The following AIRE variants were observed in gnomAD, a reference collection of about 807,000 sequenced individuals.
AIRE encodes the protein autoimmune regulator.
Under a neutral mutation model 62.1 loss-of-function variants are expected in AIRE, and 52 were observed. The observed-to-expected ratio is 0.84, with a 90% CI of 0.67 to 1.06. The LOEUF is 1.06. Among genes scored for constraint, AIRE ranks in the 50% least tolerant of loss-of-function variants. AIRE has a pLI of 0.00. For synonymous variants in AIRE, 342 were observed against 321.6 expected (o/e 1.06, Z -0.68); for missense variants, 774 against 755.8 (o/e 1.02, Z -0.28).
chr21:44,291,194 C>T lies in AIRE; in HGVS notation c.979C>T (p.Leu327Phe). Residue 327 changes from leucine (L) to phenylalanine (F), a missense_variant, in exon 8 of 14, where the codon CTC becomes TTC. Coordinates refer to ENST00000291582, the MANE Select transcript of AIRE (RefSeq NM_000383.4). ...CCACCTGGCCTGCCTGTCCCCTCCGCTCCGGGAGATCCCCAGGTGAGCCTG... is the reference window on the plus strand; with the variant it reads ...CCACCTGGCCTGCCTGTCCCCTCCGTTCCGGGAGATCCCCAGGTGAGCCTG... Reference protein sequence around the residue: ...AFHLACLSPPLREIPSGTWRC... With the variant: ...AFHLACLSPPFREIPSGTWRC... 1 of 1,603,426 alleles carries T rather than the reference C, an allele frequency of 6.2e-7. No individual in the cohort carries two copies.
intron 12 of AIRE, 31 bp downstream of exon 12, chr21:44,294,534 C>A: frequency 7.9e-7 from 1 of 1,268,700 alleles, no homozygotes; most frequent in Non-Finnish European, 1.1e-6. Context: ...CCATGCATGC[C>A]GGTGCTGGGG....
rs1256206533 is a variant in AIRE, at chr21:44,297,757, TGA to T, written c.*36_*37del. 8 of 1,588,452 alleles carry T rather than the reference TGA, an allele frequency of 5.0e-6. No individual in the cohort carries two copies. The highest frequency in any genetic ancestry group is 6.9e-6 in the Non-Finnish European group (8 of 1,158,724). On this transcript the variant is annotated 3_prime_UTR_variant, in exon 14 of 14. Transcript: ENST00000291582. This position sits in a 1 kb window ranked among gnomAD's most constrained non-coding sequence, Gnocchi z 4.8. ...AGATGGCCGGGACATGCAGCTCTGA[TGA>T]GAGAGTGCTGAGAAGGACACCTCCT...
rs976061784 is a variant in AIRE at position 44,298,039 on chromosome 21, T to C, written c.*312T>C. On this transcript the variant is annotated 3_prime_UTR_variant, in exon 14 of 14. Coordinates refer to ENST00000291582, the MANE Select transcript of AIRE (RefSeq NM_000383.4). ...CCCAGCTACATGGGAGCCTGAGGCA[T>C]GAGAATCACTTGAACTCGGGAGGTG... is the stretch of plus-strand genomic sequence containing the variant. 2.3e-5 allele frequency: 9 copies of C among 391,622 alleles called. No homozygotes were observed. Among genetic ancestry groups the C allele is most frequent in the African/African-American group, 1.4e-4 (7 of 48,532 alleles). The allele number at this position is 391,622 out of a possible 1,614,324, so 24.3% of individuals were successfully genotyped here.
chr21:44,286,880 G>C lies in AIRE; in HGVS notation c.308-98G>C. 6.3e-7 allele frequency: 1 copy of C among 1,586,954 alleles called. No individual in the cohort carries two copies. The highest frequency in any genetic ancestry group is 2.2e-5 in the East Asian group (1 of 44,636). On this transcript the variant is annotated intron_variant, in intron 2 of 13. Coordinates refer to ENST00000291582, the MANE Select transcript of AIRE (RefSeq NM_000383.4). This position sits in a 1 kb window ranked among gnomAD's most constrained non-coding sequence, Gnocchi z 6.0. ...TGGATCCTAAGAGGCAAAGGGGCCA[G>C]GCCTCACCTGTCTGGCCAAGGTGTC... is the stretch of plus-strand genomic sequence containing the variant.
chr21:44,286,271 G>C lies in AIRE; in HGVS notation c.132+133G>C, dbSNP rs1409618763. The C allele has an allele frequency of 2.0e-6, 2 of 1,022,258 alleles. 1 individual carries two copies. Among genetic ancestry groups the C allele is most frequent in the South Asian group, 3.0e-5 (2 of 67,094 alleles). 63.3% of individuals were successfully genotyped at this position (1,022,258 alleles called of 1,614,324 possible). ...GCCTTCCCCAACTCCCTCCCCACAA[G>C]GAGCCAGGGGCGTCCCTGATGACAA... On this transcript the variant is annotated intron_variant, in intron 1 of 13. Coordinates refer to ENST00000291582, the MANE Select transcript of AIRE (RefSeq NM_000383.4). This position sits in a 1 kb window ranked among gnomAD's most constrained non-coding sequence, Gnocchi z 6.0.
intron 12 of AIRE, among the ~76,000 whole-genome samples, chr21:44,295,103 G>T (rs559016102): frequency 1.3e-5 from 2 of 152,298 alleles, no homozygotes; most frequent in South Asian, 4.1e-4. Flanking sequence ...CCTCCGGGGG[G>T]GTGGCCTCTT....
rs1418971534 is a variant in AIRE at position 44,297,442 on chromosome 21, T to G, written c.1567-214T>G. 6.6e-6 allele frequency among the ~76,000 whole-genome samples: 1 copy of G among 151,960 alleles called. No homozygotes were observed. Among genetic ancestry groups the G allele is most frequent in the African/African-American group, 2.4e-5 (1 of 41,370 alleles). On this transcript the variant is annotated intron_variant, in intron 13 of 13. Coordinates refer to ENST00000291582, the MANE Select transcript of AIRE (RefSeq NM_000383.4). The surrounding 1 kb of genome is among the most constrained non-coding windows in gnomAD (Gnocchi z 4.8). ...GGTCTGGCCTGTGCCATGGGGACCTTGGGCCTCAGTTTCCCCACCTTTGAT... is the reference window on the plus strand; with the variant it reads ...GGTCTGGCCTGTGCCATGGGGACCTGGGGCCTCAGTTTCCCCACCTTTGAT...
rs750033525 is a variant in AIRE at position 44,293,836 on chromosome 21, C to T, written c.1326C>T (p.Asp442=). Residue 442 remains aspartate, a synonymous_variant, in exon 11 of 14, where the codon GAC becomes GAT. Transcript: ENST00000291582. ...GCGGGGTGTGCGGAGATGGTACGGA[C>T]GTGCTGCGGTGTACTCACTGCGCCG... ...ARCGVCGDGT[D]VLRCTHCAAA... 47 of 1,596,872 alleles carry T rather than the reference C, an allele frequency of 2.9e-5. No homozygotes were observed. Among genetic ancestry groups the T allele is most frequent in the African/African-American group, 6.7e-5 (5 of 74,782 alleles).
Position 44,294,619 on chromosome 21 carries a change from C to T in AIRE, c.1503+116C>T, listed in dbSNP as rs1442253162. On this transcript the variant is annotated intron_variant, in intron 12 of 13. Transcript: ENST00000291582. The stretch of plus-strand genomic sequence containing the variant: ...CCTGGGTGCCAGCTTCGAGGGCTTG[C>T]ACCAGACGCACTGACCATGTGCTCA... 4 of 486,396 alleles carry T rather than the reference C, an allele frequency of 8.2e-6. No individual in the cohort carries two copies. The Admixed American group carries it at 1.1e-4, about 14-fold the overall frequency. The allele number at this position is 486,396 out of a possible 1,614,324, so 30.1% of individuals were successfully genotyped here.
At chr21:44,290,841 C>T (rs771680046) in intron 7 of AIRE, 38 of 1,582,244 alleles carry the variant, frequency 2.4e-5, no homozygotes, top group East Asian at 9.4e-5. Context: ...GCCCCTGGAA[C>T]GCAGCAGCCT....
rs179363887 is a variant in AIRE, at chr21:44,286,654, T to C, written c.230T>C (p.Phe77Ser). 2 of 1,613,004 alleles carry C rather than the reference T, an allele frequency of 1.2e-6. No homozygotes were observed. Among genetic ancestry groups the C allele is most frequent in the Non-Finnish European group, 1.7e-6 (2 of 1,179,988 alleles). ...LTQDSTAILDFWRVLFKDYNL... is the reference protein window; with the variant it reads ...LTQDSTAILDSWRVLFKDYNL... Reference sequence around the variant, plus strand: ...CAGGACTCCACAGCCATCCTGGACTTCTGGAGGGTGCTGTTCAAGGACTAC... The same window carrying C: ...CAGGACTCCACAGCCATCCTGGACTCCTGGAGGGTGCTGTTCAAGGACTAC... The change falls in exon 2 of 14, where the codon TTC (phenylalanine) becomes TCC (serine). Residue 77 changes from phenylalanine (F) to serine (S), a missense_variant. This residue lies in a region of AIRE where 385 missense variants were observed against 396.0 expected (regional missense o/e 0.97). Coordinates refer to ENST00000291582, the MANE Select transcript of AIRE (RefSeq NM_000383.4). The surrounding 1 kb of genome is among the most constrained non-coding windows in gnomAD (Gnocchi z 6.0).
Position 44,287,294 on chromosome 21 carries a change from C to A in AIRE, c.463+161C>A. ...CTGGGTACTAGACCCACACACTGGA[C>A]CAGCCTCTCAGCTCCCTCCTGCCTG... On this transcript the variant is annotated intron_variant, in intron 3 of 13. Coordinates refer to ENST00000291582, the MANE Select transcript of AIRE (RefSeq NM_000383.4). The surrounding 1 kb of genome is among the most constrained non-coding windows in gnomAD (Gnocchi z 4.3). 1 of 872,346 alleles carries A rather than the reference C, an allele frequency of 1.1e-6. No individual in the cohort carries two copies. Among genetic ancestry groups the A allele is most frequent in the Non-Finnish European group, 1.8e-6 (1 of 569,034 alleles). 54.0% of individuals were successfully genotyped at this position (872,346 alleles called of 1,614,324 possible).
In AIRE at chr21:44,293,897, A is replaced by T; in HGVS notation, c.1387A>T (p.Thr463Ser). Residue 463 changes from threonine (T) to serine (S), a missense_variant, in exon 11 of 14, where the codon ACC becomes TCC. Physicochemically the swap from Thr to Ser is moderately conservative, Grantham distance 58. Around this residue, in one of 3 missense-constraint regions of AIRE, gnomAD observed 354 missense variants for 296.1 expected, o/e 1.20. Coordinates refer to ENST00000291582, the MANE Select transcript of AIRE (RefSeq NM_000383.4). ...CTGGCGCTGCCACTTCCCAGCCGGC[A>T]CCTCCCGGCCCGGGTGAGTGAGCGT... Reference protein sequence around the residue: ...FHWRCHFPAGTSRPGTGLRCR... With the variant: ...FHWRCHFPAGSSRPGTGLRCR... The T allele has an allele frequency of 1.3e-6, 2 of 1,596,156 alleles. No individual in the cohort carries two copies. Among genetic ancestry groups the T allele is most frequent in the Non-Finnish European group, 1.7e-6 (2 of 1,179,414 alleles).
chr21:44,297,508 T>C lies in AIRE; in HGVS notation c.1567-148T>C. On this transcript the variant is annotated intron_variant, in intron 13 of 13. Coordinates refer to ENST00000291582, the MANE Select transcript of AIRE (RefSeq NM_000383.4). The surrounding 1 kb of genome is among the most constrained non-coding windows in gnomAD (Gnocchi z 4.8). ...GCACAGGACAGGGTCCTCCCCAGAC[T>C]GGCCTGTGCCATGGGGCCTCGGGCC... 1.3e-6 allele frequency: 1 copy of C among 746,226 alleles called. No homozygotes were observed. Among genetic ancestry groups the C allele is most frequent in the Admixed American group, 2.0e-5 (1 of 49,998 alleles). 46.2% of individuals were successfully genotyped at this position (746,226 alleles called of 1,614,324 possible). A position where few individuals can be genotyped will look rare whatever the true frequency, so the allele number is the denominator to read the frequency against.
At position 44,291,197 on chromosome 21, in the gene AIRE, C is replaced by G. The variant is rs74162063; in HGVS notation, c.982C>G (p.Arg328Gly). 2 of 1,602,706 alleles carry G rather than the reference C, an allele frequency of 1.2e-6. No individual in the cohort carries two copies. Among genetic ancestry groups the G allele is most frequent in the South Asian group, 1.1e-5 (1 of 91,018 alleles). The part of the protein sequence containing the change: ...FHLACLSPPL[R>G]EIPSGTWRCS... Reference sequence around the variant, plus strand: ...CCTGGCCTGCCTGTCCCCTCCGCTCCGGGAGATCCCCAGGTGAGCCTGCAC... The same window carrying G: ...CCTGGCCTGCCTGTCCCCTCCGCTCGGGGAGATCCCCAGGTGAGCCTGCAC... The change falls in exon 8 of 14, where the codon CGG becomes GGG. Residue 328 changes from arginine (R) to glycine (G), a missense_variant. By Grantham distance (125) the Arg-to-Gly change is moderately radical (BLOSUM62 -2). Transcript: ENST00000291582.
Position 44,297,830 on chromosome 21 carries a change from C to T in AIRE, c.*103C>T, listed in dbSNP as rs1346969080. The T allele has an allele frequency of 4.6e-6, 5 of 1,091,586 alleles. No homozygotes were observed. Among genetic ancestry groups the T allele is most frequent in the East Asian group, 2.6e-5 (1 of 39,028 alleles). 67.6% of individuals were successfully genotyped at this position (1,091,586 alleles called of 1,614,324 possible). A position where few individuals can be genotyped will look rare whatever the true frequency, so the allele number is the denominator to read the frequency against. On this transcript the variant is annotated 3_prime_UTR_variant, in exon 14 of 14. Coordinates refer to ENST00000291582, the MANE Select transcript of AIRE (RefSeq NM_000383.4). The surrounding 1 kb of genome is among the most constrained non-coding windows in gnomAD (Gnocchi z 4.8). ...CCGGCTGGGATCAAGAAGGGGACAG[C>T]GCCACCTCTTGTCAGTGCTCGGCTG...
rs756768608 is a variant in AIRE at position 44,288,499 on chromosome 21, C to G, written c.652+41C>G. The stretch of plus-strand genomic sequence containing the variant: ...GGGAGATGGGGCTGATGGGGAGACC[C>G]AGGCTCCAAGATGGAAGGAGGACCA... On this transcript the variant is annotated intron_variant, in intron 5 of 13. Coordinates refer to ENST00000291582, the MANE Select transcript of AIRE (RefSeq NM_000383.4). 2.1e-6 allele frequency: 3 copies of G among 1,458,120 alleles called. No homozygotes were observed. In the African/African-American group the frequency reaches 4.2e-5, roughly 20 times the overall value. The allele number at this position is 1,458,120 out of a possible 1,614,324, so 90.3% of individuals were successfully genotyped here. A position where few individuals can be genotyped will look rare whatever the true frequency, so the allele number is the denominator to read the frequency against.
At chr21:44,293,729 T>A (rs970030175) in intron 10 of AIRE, 60 bp from the exon 11 acceptor site, 31 of 1,593,044 alleles carry the variant, frequency 1.9e-5, no homozygotes, top group Non-Finnish European at 2.6e-5. Flanking sequence ...GGGCTCGGGT[T>A]CGGGTTCAGC....
At chr21:44,293,561 C>T (rs921720170) in intron 10 of AIRE, among the ~76,000 whole-genome samples, 2 of 152,102 alleles carry the variant, frequency 1.3e-5, no homozygotes, top group African/African-American at 4.8e-5. Context: ...GTGCGGGCGC[C>T]AGGCTTGCAG....
Sources: allele counts gnomAD v4.1 joint callset (sites outside exome capture counted in the v4.1 genomes callset), GRCh38; gene constraint gnomAD v4.1.1; regional missense constraint gnomAD v4.1.1; non-coding constraint Gnocchi (gnomAD v3.1); transcripts MANE v1.5; gene names NCBI Gene and HGNC (gene_info 2026-07-23, HGNC 2026-07-21).